PTCHD4: variants seen among roughly 807,000 people sequenced by gnomAD.
PTCHD4 encodes patched domain containing 4.
A neutral mutation model predicts 58.1 loss-of-function variants in PTCHD4; 33 were observed. That is an observed-to-expected ratio of 0.57 (90% CI 0.43 to 0.76). PTCHD4 has a LOEUF of 0.76. PTCHD4 is among the 30% of genes least tolerant of loss of function. PTCHD4 has a pLI of 0.00. For missense variants in PTCHD4, 1,058 were observed against 1,027.1 expected, an observed-to-expected ratio of 1.03 and a Z score of -0.41; for synonymous variants, 478 against 409.6, an observed-to-expected ratio of 1.17 and a Z score of -2.02.
Position 48,068,104 on chromosome 6 carries a change from A to C in PTCHD4, c.417+126T>G. ...TCACTTGCACCCTGGCTGTTGTCTTATTGGAGACGGCAGCCTGCCTGAGAT... is the reference window on the plus strand; with the variant it reads ...TCACTTGCACCCTGGCTGTTGTCTTCTTGGAGACGGCAGCCTGCCTGAGAT... On this transcript the variant is annotated intron_variant, in intron 3 of 4. Coordinates refer to ENST00000339488, the MANE Select transcript of PTCHD4 (RefSeq NM_001384253.1). This position sits in a 1 kb window ranked among gnomAD's most constrained non-coding sequence, Gnocchi z 4.2. 3 of 1,026,228 alleles carry C rather than the reference A, an allele frequency of 2.9e-6. No individual in the cohort carries two copies. The highest frequency in any genetic ancestry group is 4.3e-6 in the Non-Finnish European group (3 of 701,546). 63.6% of individuals were successfully genotyped at this position (1,026,228 alleles called of 1,614,324 possible).
chr6:47,914,305 G>A (rs1581869533), intron 4 of PTCHD4, among the ~76,000 whole-genome samples: 3 of 152,168 alleles, frequency 2.0e-5, no homozygotes, highest in Admixed American at 2.0e-4. Context: ...TGTTATTCTG[G>A]GCATGTCTGT....
chr6:47,921,372 T>C (rs1026507426), intron 4 of PTCHD4, among the ~76,000 whole-genome samples: 3 of 152,186 alleles, frequency 2.0e-5, no homozygotes, highest in African/African-American at 7.2e-5. Context: ...TTTGGCTTTG[T>C]TTTTAAAAAT....
intron 4 of PTCHD4, among the ~76,000 whole-genome samples, chr6:47,908,511 C>T (rs1764971971): frequency 6.6e-6 from 1 of 152,146 alleles, no homozygotes; most frequent in Admixed American, 6.6e-5. Flanking sequence ...AATGGATCAG[C>T]TGATATAAAT....
chr6:47,983,834 G>A (rs1428301350), intron 4 of PTCHD4, among the ~76,000 whole-genome samples: 1 of 152,132 alleles, frequency 6.6e-6, no homozygotes, highest in Non-Finnish European at 1.5e-5. Context: ...TGTTGCATTT[G>A]CAAAGTACTA....
At chr6:47,920,676 T>C (rs531538970) in intron 4 of PTCHD4, among the ~76,000 whole-genome samples, 3 of 152,250 alleles carry the variant, frequency 2.0e-5, no homozygotes, top group Non-Finnish European at 4.4e-5. Flanking sequence ...ACAACACTTA[T>C]AAAGATCCAC....
At chr6:47,966,631 C>T (rs984962008) in intron 4 of PTCHD4, among the ~76,000 whole-genome samples, 1 of 152,200 alleles carries the variant, frequency 6.6e-6, no homozygotes, top group Non-Finnish European at 1.5e-5. Flanking sequence ...TAAACCTTTC[C>T]ACTGCTTTCT....
At chr6:48,079,671 C>G (rs915959714) in intron 1 of PTCHD4, among the ~76,000 whole-genome samples, 3 of 150,960 alleles carry the variant, frequency 2.0e-5, no homozygotes, top group African/African-American at 7.3e-5. Flanking sequence ...AATGAAAATA[C>G]CTTGTGACAA....
At chr6:47,944,568 A>G (rs550944129) in intron 4 of PTCHD4, among the ~76,000 whole-genome samples, 1 of 152,242 alleles carries the variant, frequency 6.6e-6, no homozygotes, top group African/African-American at 2.4e-5. Context: ...GGCTGGACAT[A>G]TCTACATTAA....
intron 4 of PTCHD4, among the ~76,000 whole-genome samples, chr6:47,931,913 G>T (rs752431224): frequency 2.6e-5 from 4 of 152,126 alleles, no homozygotes; most frequent in Non-Finnish European, 4.4e-5. Flanking sequence ...TGAGAAAATT[G>T]AGATTCAAAG....
intron 4 of PTCHD4, among the ~76,000 whole-genome samples, chr6:47,992,318 C>T (rs752741973): frequency 6.6e-5 from 10 of 152,106 alleles, no homozygotes; most frequent in Non-Finnish European, 1.3e-4. Context: ...CACACACATA[C>T]ATATGCACGC....
intron 3 of PTCHD4, among the ~76,000 whole-genome samples, chr6:48,067,057 AT>A (rs1305723923): frequency 1.3e-5 from 2 of 152,110 alleles, no homozygotes; most frequent in Non-Finnish European, 2.9e-5. Context: ...CATTAAAAAA[AT>A]TTTTTTCTTC....
chr6:47,981,638 G>C (rs1767886728), intron 4 of PTCHD4, among the ~76,000 whole-genome samples: 1 of 152,142 alleles, frequency 6.6e-6, no homozygotes, highest in African/African-American at 2.4e-5. Context: ...TTACTAAATA[G>C]AGGCAATGTT....
At chr6:47,988,467 T>G (rs1768161383) in intron 4 of PTCHD4, among the ~76,000 whole-genome samples, 1 of 152,120 alleles carries the variant, frequency 6.6e-6, no homozygotes, top group Non-Finnish European at 1.5e-5. Context: ...AATGAACTAA[T>G]TATAAAAACC....
intron 3 of PTCHD4, among the ~76,000 whole-genome samples, chr6:48,048,304 A>G (rs1764110336): frequency 6.6e-6 from 1 of 151,910 alleles, no homozygotes; most frequent in African/African-American, 2.4e-5. Context: ...AATGTCATCT[A>G]TTTTCTACTA....
chr6:47,974,291 A>G (rs1223756791), intron 4 of PTCHD4, among the ~76,000 whole-genome samples: 3 of 152,024 alleles, frequency 2.0e-5, no homozygotes, highest in Admixed American at 2.0e-4. Flanking sequence ...CCAGAGCCAA[A>G]CTCCATTTTC....
chr6:48,066,830 TC>T lies in PTCHD4; in HGVS notation c.417+1399del, dbSNP rs144007202. Among the ~76,000 whole-genome samples the T allele has an allele frequency of 1.7e-3, 265 of 151,888 alleles. 1 individual carries two copies. Among genetic ancestry groups the T allele is most frequent in the Non-Finnish European group, 3.1e-3 (212 of 67,946 alleles). On this transcript the variant is annotated intron_variant, in intron 3 of 4. Transcript: ENST00000339488. ...AAAAAAAAAAGCAGGTTATAAGGTT[TC>T]CCTGAAGAATCTCTAGTTTCTAAGT...
chr6:47,880,204 T>C (rs1763979893), intron 4 of PTCHD4, among the ~76,000 whole-genome samples: 1 of 152,150 alleles, frequency 6.6e-6, no homozygotes, highest in African/African-American at 2.4e-5. Context: ...GTAAATATAA[T>C]GTTACGTTAT....
intron 4 of PTCHD4, among the ~76,000 whole-genome samples, chr6:47,946,004 C>A (rs1391605824): frequency 6.6e-6 from 1 of 151,712 alleles, no homozygotes; most frequent in African/African-American, 2.4e-5. Flanking sequence ...TAGAAGTATA[C>A]TTTTAATTAC....
At chr6:47,951,374 T>C (rs1478735945) in intron 4 of PTCHD4, among the ~76,000 whole-genome samples, 1 of 152,218 alleles carries the variant, frequency 6.6e-6, no homozygotes, top group Non-Finnish European at 1.5e-5. Flanking sequence ...AGACACTGTG[T>C]GTTTATCATT....
Sources: allele counts gnomAD v4.1 joint callset (sites outside exome capture counted in the v4.1 genomes callset), GRCh38; gene constraint gnomAD v4.1.1; non-coding constraint Gnocchi (gnomAD v3.1); transcripts MANE v1.5; gene names NCBI Gene and HGNC (gene_info 2026-07-23, HGNC 2026-07-21).